The following IGDCC3 variants were observed in gnomAD, a reference collection of about 807,000 sequenced individuals.
IGDCC3 encodes putative neuronal cell adhesion molecule.
IGDCC3 carries 47 observed loss-of-function variants against 72.0 expected under a neutral mutation model. The observed-to-expected ratio is 0.65, with a 90% CI of 0.52 to 0.83. The LOEUF (loss-of-function observed/expected upper bound fraction) is 0.83, where lower values mean the gene tolerates loss of function less well. Among genes scored for constraint, IGDCC3 ranks in the 40% least tolerant of loss-of-function variants. IGDCC3 has a pLI of 0.00. For synonymous variants in IGDCC3, 477 were observed against 472.8 expected (o/e 1.01, Z -0.11); for missense variants, 1,038 against 1,091.3 (o/e 0.95, Z 0.69).
intron 2 of IGDCC3, among the ~76,000 whole-genome samples, chr15:65,364,127 T>C (rs1284268256): frequency 6.6e-6 from 1 of 152,216 alleles, no homozygotes; most frequent in African/African-American, 2.4e-5. Flanking sequence ...CCTCCAGGTA[T>C]CTGCTTTTAT....
intron 3 of IGDCC3, 99 bp from the exon 4 acceptor site, chr15:65,335,520 C>T (rs767912923): frequency 4.5e-5 from 55 of 1,225,724 alleles, no homozygotes; most frequent in Non-Finnish European, 6.1e-5. Context: ...GACCTAAGCA[C>T]TGCACCATCC....
intron 2 of IGDCC3, among the ~76,000 whole-genome samples, chr15:65,338,239 C>T (rs891641389): frequency 1.3e-5 from 2 of 152,338 alleles, no homozygotes; most frequent in African/African-American, 4.8e-5. Flanking sequence ...ATTTCCCTTC[C>T]GTCAGAGCAG....
intron 2 of IGDCC3, among the ~76,000 whole-genome samples, chr15:65,363,195 G>A (rs116947714): frequency 6.9e-4 from 105 of 152,192 alleles, no homozygotes; most frequent in Non-Finnish European, 1.2e-3. Context: ...CTTTGATTTC[G>A]CCCCACAAAA....
At chr15:65,357,381 T>G (rs1647183889) in intron 2 of IGDCC3, among the ~76,000 whole-genome samples, 2 of 152,240 alleles carry the variant, frequency 1.3e-5, no homozygotes, top group African/African-American at 2.4e-5. Context: ...AGCCCTTGGT[T>G]AGCACCATTT....
In IGDCC3 at chr15:65,329,649, A is replaced by T; in HGVS notation, c.1998-52T>A. ...AGGGAGAGAGAAAAGAGACAGAGGC[A>T]GTGAGCCCACACTCACCTTCTCTAG... On this transcript the variant is annotated intron_variant, in intron 12 of 13. Coordinates refer to ENST00000327987, the MANE Select transcript of IGDCC3 (RefSeq NM_004884.4). This position sits in a 1 kb window ranked among gnomAD's most constrained non-coding sequence, Gnocchi z 4.1. 6.2e-7 allele frequency: 1 copy of T among 1,610,518 alleles called. No homozygotes were observed. The highest frequency in any genetic ancestry group is 8.5e-7 in the Non-Finnish European group (1 of 1,177,080).
At chr15:65,355,913 C>A (rs2091216881) in intron 2 of IGDCC3, 6 of 303,616 alleles carry the variant, frequency 2.0e-5, no homozygotes. Context: ...GCACTCGCGG[C>A]GGCGGAGGGA....
rs1258299829 is a variant in IGDCC3 at position 65,335,436 on chromosome 15, G to C, written c.555-15C>G. 1.3e-6 allele frequency: 2 copies of C among 1,595,302 alleles called. No homozygotes were observed. Among genetic ancestry groups the C allele is most frequent in the South Asian group, 2.3e-5 (2 of 87,996 alleles). On this transcript the variant is annotated splice_polypyrimidine_tract_variant and intron_variant, in intron 3 of 13. Transcript: ENST00000327987. The stretch of plus-strand genomic sequence containing the variant: ...GCAATGTGTACCTGTTGAGGGGAGG[G>C]ACATAGTTGGCCACCAGCACAGCCA...
intron 2 of IGDCC3, among the ~76,000 whole-genome samples, chr15:65,361,996 G>C (rs971112401): frequency 6.6e-6 from 1 of 152,170 alleles, no homozygotes; most frequent in Non-Finnish European, 1.5e-5. Context: ...ACACGTGCGC[G>C]GGCAGGAGCC....
intron 5 of IGDCC3, among the ~76,000 whole-genome samples, chr15:65,334,184 C>A (rs549814881): frequency 6.6e-6 from 1 of 152,160 alleles, no homozygotes; most frequent in Non-Finnish European, 1.5e-5. Context: ...GTTTCCTTCC[C>A]GAGTGACCTT....
At chr15:65,344,399 A>C (rs2091108735) in intron 2 of IGDCC3, among the ~76,000 whole-genome samples, 1 of 151,748 alleles carries the variant, frequency 6.6e-6, no homozygotes, top group African/African-American at 2.4e-5. Context: ...CCTCACTACC[A>C]CCAGCTCACC....
intron 2 of IGDCC3, among the ~76,000 whole-genome samples, chr15:65,338,319 C>G (rs1256574045): frequency 1.3e-5 from 2 of 152,198 alleles, no homozygotes; most frequent in Non-Finnish European, 2.9e-5. Context: ...TGAAGGGTAG[C>G]TTTGCCTTTA....
Position 65,330,341 on chromosome 15 carries a change from T to G in IGDCC3, c.1810A>C (p.Asn604His), listed in dbSNP as rs1393932778. Residue 604 changes from asparagine to histidine, a missense_variant, in exon 11 of 14, where the codon AAT becomes CAT. Transcript: ENST00000327987. ...LLAYNQHGDG[N>H]ATVRFVSLRG... ...AAAGACACAAAGCGGACTGTGGCAT[T>G]GCCATCTCCATGCTGGTTGTAGGCG... 1 of 1,614,010 alleles carries G rather than the reference T, an allele frequency of 6.2e-7. No homozygotes were observed. The highest frequency in any genetic ancestry group is 1.3e-5 in the African/African-American group (1 of 74,938).
chr15:65,350,785 T>G (rs983803879), intron 2 of IGDCC3, among the ~76,000 whole-genome samples: 1 of 152,196 alleles, frequency 6.6e-6, no homozygotes, highest in African/African-American at 2.4e-5. Flanking sequence ...TATCTGCACT[T>G]CTGCCTGGTG....
intron 2 of IGDCC3, among the ~76,000 whole-genome samples, chr15:65,352,484 C>T (rs2091180889): frequency 6.6e-6 from 1 of 152,176 alleles, no homozygotes; most frequent in Non-Finnish European, 1.5e-5. Flanking sequence ...GGGAACTCAT[C>T]TCGTACCTTG....
At chr15:65,333,523 G>C in intron 5 of IGDCC3, 108 bp from the exon 6 acceptor site, 3 of 1,094,154 alleles carry the variant, frequency 2.7e-6, no homozygotes, top group Non-Finnish European at 3.8e-6. Flanking sequence ...CTTCTAGGGA[G>C]CCCCAGTCTT....
chr15:65,360,870 G>A (rs2091255791), intron 2 of IGDCC3, among the ~76,000 whole-genome samples: 1 of 152,132 alleles, frequency 6.6e-6, no homozygotes. Flanking sequence ...CTGCCTCCAA[G>A]GCTCAAGTGA....
Position 65,328,584 on chromosome 15 carries a change from C to G in IGDCC3, c.*325G>C. On this transcript the variant is annotated 3_prime_UTR_variant, in exon 14 of 14. Coordinates refer to ENST00000327987, the MANE Select transcript of IGDCC3 (RefSeq NM_004884.4). ...TAATTCACCTTCCTCTATCTCTCTCCTCTTTTTTTTTTTTTTTAAGTTTTG... is the reference window on the plus strand; with the variant it reads ...TAATTCACCTTCCTCTATCTCTCTCGTCTTTTTTTTTTTTTTTAAGTTTTG... The G allele has an allele frequency of 4.1e-6, 1 of 241,234 alleles. No individual in the cohort carries two copies. The highest frequency in any genetic ancestry group is 7.9e-6 in the Non-Finnish European group (1 of 126,888). 14.9% of individuals were successfully genotyped at this position (241,234 alleles called of 1,614,324 possible). A position where few individuals can be genotyped will look rare whatever the true frequency, so the allele number is the denominator to read the frequency against.
At chr15:65,330,929 C>T (rs1595749011) in intron 9 of IGDCC3, 121 bp downstream of exon 9, 2 of 1,240,372 alleles carry the variant, frequency 1.6e-6, no homozygotes, top group South Asian at 2.9e-5. Flanking sequence ...TAGACTCAGC[C>T]CTGACAGCCT....
intron 2 of IGDCC3, among the ~76,000 whole-genome samples, chr15:65,367,914 C>T (rs922656371): frequency 6.6e-6 from 1 of 152,152 alleles, no homozygotes. Flanking sequence ...AACACACACA[C>T]ACTCACTCAC....
Sources: gnomAD v4.1 joint callset for allele counts (sites outside exome capture counted in the v4.1 genomes callset) on GRCh38, gnomAD v4.1.1 for gene constraint, Gnocchi (gnomAD v3.1) non-coding constraint, MANE v1.5 for transcripts, NCBI Gene and HGNC (gene_info 2026-07-23, HGNC 2026-07-21) for gene names.